NOMO3: variants seen among roughly 807,000 people sequenced by gnomAD.
NOMO3 encodes NODAL modulator 3.
NOMO3 carries 15 observed loss-of-function variants against 69.9 expected under a neutral mutation model. That is an observed-to-expected ratio of 0.21 (90% CI 0.14 to 0.33). NOMO3 has a LOEUF of 0.33. Among genes scored for constraint, NOMO3 ranks in the 10% least tolerant of loss-of-function variants. The pLI, the probability that NOMO3 is intolerant of heterozygous loss-of-function variation, is 1.00. For missense variants in NOMO3, 218 were observed against 761.0 expected (o/e 0.29, Z 8.39); for synonymous variants, 89 against 301.9 (o/e 0.29, Z 7.31).
chr16:16,268,490 C>T (rs1272236994), intron 16 of NOMO3, among the ~76,000 whole-genome samples: 3 of 143,894 alleles, frequency 2.1e-5, no homozygotes, highest in Non-Finnish European at 4.4e-5. Context: ...ATGAATAATT[C>T]AGTGGCTCCT....
chr16:16,268,309 T>C (rs962652822), intron 16 of NOMO3, among the ~76,000 whole-genome samples: 1 of 146,200 alleles, frequency 6.8e-6, no homozygotes, highest in Non-Finnish European at 1.5e-5. Flanking sequence ...TTTAAGAAAC[T>C]GTCAAATTGT....
intron 9 of NOMO3, among the ~76,000 whole-genome samples, chr16:16,253,761 AC>A (rs1423717528): frequency 1.1e-5 from 1 of 94,540 alleles, no homozygotes; most frequent in Non-Finnish European, 1.9e-5. Context: ...GCAGTGTGAT[AC>A]ATGGCTTGAT....
chr16:16,241,538 A>G (rs1180508102), intron 3 of NOMO3, among the ~76,000 whole-genome samples: 1 of 113,316 alleles, frequency 8.8e-6, no homozygotes, highest in Non-Finnish European at 1.7e-5. Flanking sequence ...TCCTCAGTAG[A>G]TGAGATTACA....
At chr16:16,254,947 G>C (rs879294748) in intron 9 of NOMO3, among the ~76,000 whole-genome samples, 1 of 143,644 alleles carries the variant, frequency 7.0e-6, no homozygotes, top group Non-Finnish European at 1.5e-5. Flanking sequence ...CTTTGAGACA[G>C]AGTCTTGCTG....
Position 16,261,160 on chromosome 16 carries a change from G to A in NOMO3, c.1221-342G>A, listed in dbSNP as rs1301448374. 2.1e-5 allele frequency: 7 copies of A among 329,918 alleles called. 1 individual carries two copies. The highest frequency in any genetic ancestry group is 6.4e-5 in the South Asian group (2 of 31,210). The allele number at this position is 329,918 out of a possible 1,614,324, so 20.4% of individuals were successfully genotyped here. A position where few individuals can be genotyped will look rare whatever the true frequency, so the allele number is the denominator to read the frequency against. ...AGTCCAAGGCCGCTCTGCTGTCAAC[G>A]ATCCAATTACCTGAAACGTTTTTAT... On this transcript the variant is annotated intron_variant, in intron 11 of 30. Coordinates refer to ENST00000399336, the MANE Select transcript of NOMO3 (RefSeq NM_001004067.4).
intron 6 of NOMO3, among the ~76,000 whole-genome samples, chr16:16,248,109 C>T (rs382174): frequency 0.18 from 12,304 of 69,098 alleles, 1,355 homozygotes; most frequent in Middle Eastern, 0.23. Flanking sequence ...TTTTTAAAGA[C>T]GGAGTCTCGC....
intron 15 of NOMO3, chr16:16,265,417 T>C: frequency 1.6e-6 from 1 of 617,782 alleles, no homozygotes; most frequent in Non-Finnish European, 2.7e-6. Context: ...TGACTGGTGA[T>C]TCGGGGTGAC....
chr16:16,243,768 G>A (rs1268643780), intron 4 of NOMO3, among the ~76,000 whole-genome samples: 3 of 141,062 alleles, frequency 2.1e-5, no homozygotes, highest in Non-Finnish European at 4.5e-5. Flanking sequence ...CAGGTGATCC[G>A]CCTGCCTCCA....
rs1325625928 is a variant in NOMO3 at position 16,242,627 on chromosome 16, C to T, written c.302-534C>T. Among the ~76,000 whole-genome samples the T allele has an allele frequency of 1.4e-5, 2 of 142,136 alleles. 1 individual carries two copies. The allele number at this position is 142,136 out of a possible 152,430, so 93.2% of individuals were successfully genotyped here. On this transcript the variant is annotated intron_variant, in intron 3 of 30. Coordinates refer to ENST00000399336, the MANE Select transcript of NOMO3 (RefSeq NM_001004067.4). Reference sequence around the variant, plus strand: ...ACATGGCTGAGCTCATGTCCTTGGTCAGAGAACAGATCCAGAGCCAGACTT... The same window carrying T: ...ACATGGCTGAGCTCATGTCCTTGGTTAGAGAACAGATCCAGAGCCAGACTT...
At chr16:16,265,637 G>GAC (rs2049607065) in intron 15 of NOMO3, among the ~76,000 whole-genome samples, 1 of 42,380 alleles carries the variant, frequency 2.4e-5, no homozygotes. Context: ...GAGTTTCTCT[G>GAC]ATATATATAT....
chr16:16,239,064 C>T lies in NOMO3; in HGVS notation c.256-787C>T, dbSNP rs1440956095. Among the ~76,000 whole-genome samples, 9 of 138,608 alleles carry T rather than the reference C, an allele frequency of 6.5e-5. No individual in the cohort carries two copies. In the South Asian group the frequency reaches 9.2e-4, roughly 14 times the overall value. The allele number at this position is 138,608 out of a possible 152,430, so 90.9% of individuals were successfully genotyped here. A position where few individuals can be genotyped will look rare whatever the true frequency, so the allele number is the denominator to read the frequency against. On this transcript the variant is annotated intron_variant, in intron 2 of 30. Coordinates refer to ENST00000399336, the MANE Select transcript of NOMO3 (RefSeq NM_001004067.4). Reference sequence around the variant, plus strand: ...CTTCACTCCAGCCTGGGCAACAGAGCGAGGCTCCATCTCAAAAAAAAAAAA... The same window carrying T: ...CTTCACTCCAGCCTGGGCAACAGAGTGAGGCTCCATCTCAAAAAAAAAAAA...
Position 16,262,744 on chromosome 16 carries a change from C to T in NOMO3, c.1396-330C>T, listed in dbSNP as rs536913322. 1.4e-3 allele frequency among the ~76,000 whole-genome samples: 192 copies of T among 139,138 alleles called. 27 individuals are homozygous for T. Among genetic ancestry groups the T allele is most frequent in the African/African-American group, 5.6e-3 (182 of 32,368 alleles). 91.3% of individuals were successfully genotyped at this position (139,138 alleles called of 152,430 possible). Reference sequence around the variant, plus strand: ...TTCAGAGCTTATGCTACAAGTGATCCGAAGCCGGGAAAAGTGACTGGGATG... The same window carrying T: ...TTCAGAGCTTATGCTACAAGTGATCTGAAGCCGGGAAAAGTGACTGGGATG... On this transcript the variant is annotated intron_variant, in intron 12 of 30. Coordinates refer to ENST00000399336, the MANE Select transcript of NOMO3 (RefSeq NM_001004067.4).
intron 1 of NOMO3, among the ~76,000 whole-genome samples, chr16:16,234,148 C>T (rs942970680): frequency 7.2e-5 from 11 of 151,948 alleles, no homozygotes; most frequent in Non-Finnish European, 1.3e-4. Context: ...CCTAGGATTT[C>T]CTGGGTACAT....
At chr16:16,252,854 G>T (rs2049476190) in intron 9 of NOMO3, among the ~76,000 whole-genome samples, 1 of 117,510 alleles carries the variant, frequency 8.5e-6, no homozygotes, top group Admixed American at 8.4e-5. Flanking sequence ...TTTTTTTTAA[G>T]ACAGGGTCTC....
At chr16:16,235,878 A>G (rs1488996883) in intron 1 of NOMO3, 1 of 440,634 alleles carries the variant, frequency 2.3e-6, no homozygotes, top group South Asian at 1.6e-5. Context: ...AATCTGTACA[A>G]CCACATGAAA....
At chr16:16,236,538 G>A (rs1233492844) in intron 1 of NOMO3, among the ~76,000 whole-genome samples, 19 of 144,594 alleles carry the variant, frequency 1.3e-4, no homozygotes, top group Non-Finnish European at 1.0e-4. Flanking sequence ...ATGAGCCACC[G>A]TGCCCAGCCA....
At chr16:16,263,033 C>G in intron 12 of NOMO3, 41 bp from the exon 13 acceptor site, 5 of 1,590,184 alleles carry the variant, frequency 3.1e-6, no homozygotes, top group Non-Finnish European at 4.3e-6. Context: ...GGGAAGATCT[C>G]CCCGAATGCA....
At chr16:16,239,128 C>T (rs1261246488) in intron 2 of NOMO3, among the ~76,000 whole-genome samples, 1 of 142,676 alleles carries the variant, frequency 7.0e-6, no homozygotes, top group Non-Finnish European at 1.5e-5. Context: ...TAAGTAAAAT[C>T]TAGTTTTATT....
Position 16,260,907 on chromosome 16 carries a change from A to G in NOMO3, c.1221-595A>G, listed in dbSNP as rs1596810736. 3 of 147,424 alleles carry G rather than the reference A, an allele frequency of 2.0e-5. 1 individual carries two copies. The highest frequency in any genetic ancestry group is 1.3e-4 in the Admixed American group (2 of 15,672). 9.1% of individuals were successfully genotyped at this position (147,424 alleles called of 1,614,324 possible). On this transcript the variant is annotated intron_variant, in intron 11 of 30. Coordinates refer to ENST00000399336, the MANE Select transcript of NOMO3 (RefSeq NM_001004067.4). ...ACCTTAATAGGGCTTTTCAGTTATA[A>G]GTTACATTGTGGCTCCTACCTCCCA...
Sources: gnomAD v4.1 joint callset for allele counts (sites outside exome capture counted in the v4.1 genomes callset) on GRCh38, gnomAD v4.1.1 for gene constraint, MANE v1.5 for transcripts, NCBI Gene and HGNC (gene_info 2026-07-23, HGNC 2026-07-21) for gene names.